The following GRXCR1 variants were observed in gnomAD, a reference collection of about 807,000 sequenced individuals.
The protein encoded by GRXCR1 is glutaredoxin and cysteine rich domain containing 1.
Under a neutral mutation model 27.3 loss-of-function variants are expected in GRXCR1, and 27 were observed. The observed-to-expected ratio is 0.99, with a 90% CI of 0.73 to 1.37. The LOEUF is 1.37. GRXCR1 is among the 40% of genes most tolerant of loss of function. GRXCR1 has a pLI of 0.00. For missense variants in GRXCR1, 379 were observed against 354.4 expected (o/e 1.07, Z -0.56); for synonymous variants, 122 against 131.1 (o/e 0.93, Z 0.47).
At chr4:42,977,869 A>C (rs1748560811) in intron 2 of GRXCR1, among the ~76,000 whole-genome samples, 1 of 152,008 alleles carries the variant, frequency 6.6e-6, no homozygotes, top group South Asian at 2.1e-4. Flanking sequence ...CATATCCAAA[A>C]AATTATTGCC....
At chr4:42,956,329 C>T (rs1444208723) in intron 1 of GRXCR1, among the ~76,000 whole-genome samples, 1 of 152,048 alleles carries the variant, frequency 6.6e-6, no homozygotes, top group Non-Finnish European at 1.5e-5. Flanking sequence ...ATACGCTATT[C>T]CCATGGTAAC....
At chr4:42,977,013 T>G (rs1297539538) in intron 2 of GRXCR1, among the ~76,000 whole-genome samples, 1 of 152,060 alleles carries the variant, frequency 6.6e-6, no homozygotes, top group Non-Finnish European at 1.5e-5. Context: ...TTCTACTCTC[T>G]ACTTTTATAA....
intron 1 of GRXCR1, among the ~76,000 whole-genome samples, chr4:42,955,452 C>T (rs1172648440): frequency 1.3e-5 from 2 of 152,022 alleles, no homozygotes. Context: ...AGCAAAACCA[C>T]GTGTGGTTCA....
At chr4:43,004,263 C>G (rs759591324) in intron 2 of GRXCR1, among the ~76,000 whole-genome samples, 25 of 152,238 alleles carry the variant, frequency 1.6e-4, no homozygotes, top group Non-Finnish European at 3.1e-4. Flanking sequence ...GAGCTTCTGC[C>G]TAGATTTCAG....
At chr4:42,912,543 T>C (rs1480222446) in intron 1 of GRXCR1, among the ~76,000 whole-genome samples, 1 of 152,216 alleles carries the variant, frequency 6.6e-6, no homozygotes, top group Non-Finnish European at 1.5e-5. Flanking sequence ...ATTTAAATGA[T>C]AGCCCTGAAC....
At position 42,962,961 on chromosome 4, in the gene GRXCR1, AC is replaced by A; in HGVS notation, c.456del (p.Phe153LeufsTer16). 6.2e-7 allele frequency: 1 copy of A among 1,612,908 alleles called. No homozygotes were observed. The highest frequency in any genetic ancestry group is 1.3e-5 in the African/African-American group (1 of 74,962). On this transcript the variant is annotated frameshift_variant, in exon 2 of 4. Transcript: ENST00000399770. LOFTEE classifies it high-confidence loss of function. The part of the protein sequence containing the change: ...YTTCLRVVRT[T>X]FERCELVRKI... ...CACCTGCCTTCGTGTGGTCCGGACA[AC>A]CTTTGAAAGATGTGAACTGGTTAGA... is the stretch of plus-strand genomic sequence containing the variant.
chr4:43,012,927 A>T (rs78572028), intron 2 of GRXCR1, among the ~76,000 whole-genome samples: 2 of 152,282 alleles, frequency 1.3e-5, no homozygotes, highest in South Asian at 4.1e-4. Flanking sequence ...ATGCAAGCAG[A>T]CAACAAACAT....
chr4:42,899,050 T>C (rs934014909), intron 1 of GRXCR1, among the ~76,000 whole-genome samples: 1 of 152,132 alleles, frequency 6.6e-6, no homozygotes, highest in African/African-American at 2.4e-5. Flanking sequence ...GTGACCACCT[T>C]GCACATACCA....
At chr4:42,991,563 G>A (rs1711976342) in intron 2 of GRXCR1, among the ~76,000 whole-genome samples, 1 of 151,940 alleles carries the variant, frequency 6.6e-6, no homozygotes, top group Admixed American at 6.6e-5. Context: ...AGCATGTGAG[G>A]TAGTTGCAAC....
intron 1 of GRXCR1, among the ~76,000 whole-genome samples, chr4:42,903,148 T>TTGGTGA (rs1553937489): frequency 6.7e-6 from 1 of 149,094 alleles, no homozygotes; most frequent in African/African-American, 2.4e-5. Context: ...TTTAAACAGC[T>TTGGTGA]GGCTTTATAG....
intron 2 of GRXCR1, among the ~76,000 whole-genome samples, chr4:42,977,776 GT>G (rs999857852): frequency 5.9e-5 from 9 of 152,132 alleles, no homozygotes; most frequent in African/African-American, 2.2e-4. Context: ...TCTGTTGATA[GT>G]TTTTTGTCTT....
At position 43,030,474 on chromosome 4, in the gene GRXCR1, C is replaced by G. The variant is rs756677468; in HGVS notation, c.807C>G (p.Phe269Leu). 6.2e-7 allele frequency: 1 copy of G among 1,614,088 alleles called. No homozygotes were observed. Among genetic ancestry groups the G allele is most frequent in the Non-Finnish European group, 8.5e-7 (1 of 1,179,964 alleles). ...TTCGAAACTGCTTCACAGACTCTTT[C>G]AAAGCCCTGAAGTGTACGGCTTGCA... is the stretch of plus-strand genomic sequence containing the variant. ...SMFRNCFTDS[F>L]KALKCTACNE... Residue 269 changes from phenylalanine (F) to leucine (L), a missense_variant, in exon 4 of 4, where the codon TTC (phenylalanine) becomes TTG (leucine). Coordinates refer to ENST00000399770, the MANE Select transcript of GRXCR1 (RefSeq NM_001080476.3).
intron 2 of GRXCR1, among the ~76,000 whole-genome samples, chr4:43,018,680 A>T (rs1713007168): frequency 6.6e-6 from 1 of 152,208 alleles, no homozygotes; most frequent in Non-Finnish European, 1.5e-5. Context: ...TCATTTGAGA[A>T]AAATGGGGGC....
At chr4:43,009,483 A>G (rs1018759225) in intron 2 of GRXCR1, among the ~76,000 whole-genome samples, 2 of 152,114 alleles carry the variant, frequency 1.3e-5, no homozygotes, top group East Asian at 1.9e-4. Flanking sequence ...ATCTATATGT[A>G]TTAGTCCATT....
chr4:42,991,769 T>C (rs28624599), intron 2 of GRXCR1, among the ~76,000 whole-genome samples: 2,359 of 152,242 alleles, frequency 0.015, 70 homozygotes, highest in African/African-American at 0.054. Flanking sequence ...ATCTGTGATT[T>C]ATGCAGTTAA....
rs71648752 is a variant in GRXCR1 at position 42,991,473 on chromosome 4, C to CATAT, written c.627+28354_627+28357dup. 9.1e-3 allele frequency among the ~76,000 whole-genome samples: 1,343 copies of CATAT among 147,780 alleles called. 8 individuals carry two copies. The highest frequency in any genetic ancestry group is 0.013 in the Non-Finnish European group (845 of 66,704). On this transcript the variant is annotated intron_variant, in intron 2 of 3. Coordinates refer to ENST00000399770, the MANE Select transcript of GRXCR1 (RefSeq NM_001080476.3). ...TGCTCTCTCTCTACACACACACATA[C>CATAT]ATATATATATATATATATCTGTCAT...
intron 1 of GRXCR1, among the ~76,000 whole-genome samples, chr4:42,941,938 C>G (rs969407172): frequency 1.3e-5 from 2 of 152,012 alleles, no homozygotes; most frequent in African/African-American, 2.4e-5. Context: ...ATTTAGGAAA[C>G]TATCAAGAAA....
At position 42,902,934 on chromosome 4, in the gene GRXCR1, G is replaced by T. The variant is rs901731752; in HGVS notation, c.384+9284G>T. Among the ~76,000 whole-genome samples the T allele has an allele frequency of 2.6e-5, 4 of 152,204 alleles. No homozygotes were observed. In the East Asian group the frequency reaches 7.7e-4, roughly 29 times the overall value. Reference sequence around the variant, plus strand: ...GAAAAGGAGTCATTTGTCCCCAAGGGGTCATCTTAATTCCTATAGTCTGAG... The same window carrying T: ...GAAAAGGAGTCATTTGTCCCCAAGGTGTCATCTTAATTCCTATAGTCTGAG... On this transcript the variant is annotated intron_variant, in intron 1 of 3. Coordinates refer to ENST00000399770, the MANE Select transcript of GRXCR1 (RefSeq NM_001080476.3).
intron 1 of GRXCR1, among the ~76,000 whole-genome samples, chr4:42,917,781 G>A (rs1034611486): frequency 7.2e-5 from 11 of 152,056 alleles, no homozygotes; most frequent in Non-Finnish European, 1.5e-5. Flanking sequence ...GTTCTAATAG[G>A]ACTATTAGAG....
Sources: allele counts gnomAD v4.1 joint callset (sites outside exome capture counted in the v4.1 genomes callset), GRCh38; gene constraint gnomAD v4.1.1; transcripts MANE v1.5; gene names NCBI Gene and HGNC (gene_info 2026-07-23, HGNC 2026-07-21).